ABCB4: variants seen among roughly 807,000 people sequenced by gnomAD.
The protein encoded by ABCB4 is ATP binding cassette subfamily B member 4, also known as phosphatidylcholine translocator ABCB4.
Under a neutral mutation model 145.7 loss-of-function variants are expected in ABCB4, and 76 were observed. That is an observed-to-expected ratio of 0.52 (90% confidence interval 0.43 to 0.63). The LOEUF is 0.63. ABCB4 is among the 30% of genes least tolerant of loss of function. The probability of loss-of-function intolerance (pLI) is 0.00; values close to 1 mark genes in which losing one functional copy is unlikely to be tolerated. For synonymous variants in ABCB4, 517 were observed against 566.8 expected (o/e 0.91, Z 1.25); for missense variants, 1,234 against 1,553.1 (o/e 0.79, Z 3.45).
At chr7:87,437,549 A>G (rs1207368112) in intron 14 of ABCB4, among the ~76,000 whole-genome samples, 1 of 152,236 alleles carries the variant, frequency 6.6e-6, no homozygotes, top group Non-Finnish European at 1.5e-5. Flanking sequence ...TGGTAATGCT[A>G]ATCACCATAA....
At chr7:87,389,554 A>G in the ABCB4 span, among the ~76,000 whole-genome samples, 4 of 151,850 alleles carry the variant, frequency 2.6e-5, no homozygotes, top group Non-Finnish European at 4.4e-5. Context: ...GTTCTCACTC[A>G]TAAGTGGGAG....
chr7:87,383,451 G>GT, the ABCB4 span, among the ~76,000 whole-genome samples: 3 of 148,074 alleles, frequency 2.0e-5, no homozygotes, highest in Non-Finnish European at 4.5e-5. Flanking sequence ...TTCATTCTTT[G>GT]TTTTTTTATT....
intron 7 of ABCB4, 152 bp downstream of exon 7, chr7:87,451,471 T>C (rs185068672): frequency 1.2e-6 from 1 of 815,176 alleles, no homozygotes; most frequent in East Asian, 2.7e-5. Flanking sequence ...TTAATTTCCT[T>C]ATGAAAGCAT....
At chr7:87,431,056 C>T (rs1810181767) in intron 15 of ABCB4, among the ~76,000 whole-genome samples, 1 of 152,182 alleles carries the variant, frequency 6.6e-6, no homozygotes, top group African/African-American at 2.4e-5. Flanking sequence ...TTCCATATAA[C>T]TCAGAGCCGG....
the ABCB4 span, among the ~76,000 whole-genome samples, chr7:87,385,663 C>T: frequency 2.0e-5 from 3 of 152,102 alleles, no homozygotes; most frequent in Non-Finnish European, 4.4e-5. Flanking sequence ...TTTGAGTGCT[C>T]TTTATTTCAT....
At chr7:87,458,987 T>TA (rs77823347) in intron 4 of ABCB4, among the ~76,000 whole-genome samples, 7,820 of 120,616 alleles carry the variant, frequency 0.065, 260 homozygotes, top group South Asian at 0.12. Context: ...AGGCACAAGT[T>TA]AAAAAAAAAA....
chr7:87,450,002 T>A lies in ABCB4; in HGVS notation c.799A>T (p.Ile267Leu), dbSNP rs763864426. Residue 267 changes from isoleucine to leucine, a missense_variant, in exon 8 of 28, where the codon ATA becomes TTA. Around this residue, in one of 7 missense-constraint regions of ABCB4, gnomAD observed 467 missense variants for 632.8 expected, o/e 0.74. Coordinates refer to ENST00000649586, the MANE Select transcript of ABCB4 (RefSeq NM_000443.4). The part of the protein sequence containing the change: ...EEALGAIRTV[I>L]AFGGQNKELE... ...TCTTTGTTCTGGCCCCCGAAAGCTA[T>A]CACAGTCCTGATGGCCCCCAGAGCC... The A allele has an allele frequency of 1.2e-6, 2 of 1,614,154 alleles. No homozygotes were observed. Among genetic ancestry groups the A allele is most frequent in the Admixed American group, 3.3e-5 (2 of 60,010 alleles).
At chr7:87,380,968 T>C in the ABCB4 span, among the ~76,000 whole-genome samples, 1 of 152,224 alleles carries the variant, frequency 6.6e-6, no homozygotes, top group Non-Finnish European at 1.5e-5. Flanking sequence ...CTGACCTCCC[T>C]CAAGAGCCTT....
Position 87,447,016 on chromosome 7 carries a change from G to GT in ABCB4, c.1005+17dup, listed in dbSNP as rs1811388199. 6.3e-7 allele frequency: 1 copy of GT among 1,592,846 alleles called. No individual in the cohort carries two copies. The highest frequency in any genetic ancestry group is 1.3e-5 in the African/African-American group (1 of 74,474). On this transcript the variant is annotated intron_variant, in intron 9 of 27. Coordinates refer to ENST00000649586, the MANE Select transcript of ABCB4 (RefSeq NM_000443.4). ...TAAGATTTTCATATTCTTCATAAAT[G>GT]TTAGGAGAACTACTTACTGTCATTG...
chr7:87,408,047 G>A lies in ABCB4; in HGVS notation c.3269C>T (p.Ala1090Val), dbSNP rs143392573. Reference protein sequence around the residue: ...QLLERFYDPLAGTVLLDGQEA... With the variant: ...QLLERFYDPLVGTVLLDGQEA... ...AGGAAATGTGCTCACCACTGTCCCC[G>A]CCAAGGGGTCGTAGAACCGCTCCAG... Residue 1090 changes from alanine (A) to valine (V), a missense_variant, in exon 25 of 28, where the codon GCG becomes GTG. By Grantham distance (64) the Ala-to-Val change is moderately conservative. Around this residue, in one of 7 missense-constraint regions of ABCB4, gnomAD observed 301 missense variants for 389.0 expected, o/e 0.77. Coordinates refer to ENST00000649586, the MANE Select transcript of ABCB4 (RefSeq NM_000443.4). The A allele has an allele frequency of 3.5e-5, 57 of 1,613,592 alleles. No homozygotes were observed. Among genetic ancestry groups the A allele is most frequent in the African/African-American group, 2.0e-4 (15 of 74,912 alleles).
At chr7:87,407,855 A>G (rs753369516) in intron 25 of ABCB4, among the ~76,000 whole-genome samples, 182 bp downstream of exon 25, 2 of 152,188 alleles carry the variant, frequency 1.3e-5, no homozygotes, top group Non-Finnish European at 2.9e-5. Context: ...TGAATTCCAG[A>G]CATTCTGTCC....
At chr7:87,420,895 C>G (rs1160572970) in intron 18 of ABCB4, among the ~76,000 whole-genome samples, 1 of 152,172 alleles carries the variant, frequency 6.6e-6, no homozygotes, top group Middle Eastern at 3.2e-3. Flanking sequence ...TGTGTTCCTA[C>G]TACTTCCAAT....
intron 3 of ABCB4, among the ~76,000 whole-genome samples, chr7:87,466,178 A>G (rs2116927422): frequency 6.6e-6 from 1 of 152,328 alleles, no homozygotes; most frequent in South Asian, 2.1e-4. Flanking sequence ...GGCTAACTAG[A>G]ATAACCGATG....
intron 4 of ABCB4, among the ~76,000 whole-genome samples, chr7:87,459,490 G>T (rs1215908582): frequency 6.6e-6 from 1 of 151,908 alleles, no homozygotes; most frequent in Non-Finnish European, 1.5e-5. Context: ...CCTTCAAAAG[G>T]CTGAATAATA....
intron 26 of ABCB4, among the ~76,000 whole-genome samples, chr7:87,404,420 A>G (rs752802509): frequency 3.0e-4 from 46 of 152,210 alleles, no homozygotes; most frequent in Non-Finnish European, 5.7e-4. Context: ...CTTTTAGAAA[A>G]AAACATGGAG....
intron 11 of ABCB4, 62 bp from the exon 12 acceptor site, chr7:87,443,506 C>A: frequency 6.2e-7 from 1 of 1,607,024 alleles, no homozygotes; most frequent in South Asian, 1.1e-5. Context: ...GGGAATAATT[C>A]GATTCAGTTT....
At chr7:87,463,156 A>G (rs750461364) in intron 3 of ABCB4, among the ~76,000 whole-genome samples, 19 of 152,160 alleles carry the variant, frequency 1.2e-4, no homozygotes, top group Non-Finnish European at 1.9e-4. Context: ...TTACTATACA[A>G]TCAAAAGGGA....
chr7:87,468,243 T>A (rs148693395), intron 3 of ABCB4, among the ~76,000 whole-genome samples: 1 of 152,136 alleles, frequency 6.6e-6, no homozygotes, highest in African/African-American at 2.4e-5. Flanking sequence ...AAATACAAAC[T>A]ACCATCAGAG....
At chr7:87,421,445 C>A (rs1809422755) in intron 18 of ABCB4, among the ~76,000 whole-genome samples, 1 of 152,178 alleles carries the variant, frequency 6.6e-6, no homozygotes, top group African/African-American at 2.4e-5. Flanking sequence ...TGGATCAAAT[C>A]ATTGAGTTGT....
Sources: gnomAD v4.1 joint callset for allele counts (sites outside exome capture counted in the v4.1 genomes callset) on GRCh38, gnomAD v4.1.1 for gene constraint, gnomAD v4.1.1 regional missense constraint, MANE v1.5 for transcripts, NCBI Gene and HGNC (gene_info 2026-07-23, HGNC 2026-07-21) for gene names.